Variants in NEURL1 observed in about 807,000 individuals in gnomAD.
NEURL1 encodes the protein neuralized E3 ubiquitin protein ligase 1.
A neutral mutation model predicts 41.2 loss-of-function variants in NEURL1; 26 were observed. The observed-to-expected ratio is 0.63, with a 90% confidence interval of 0.46 to 0.87. The LOEUF is 0.87. Ranked by LOEUF, NEURL1 falls within the 40% of genes least tolerant of loss-of-function variation. The probability of loss-of-function intolerance (pLI) is 0.00; values close to 1 mark genes in which losing one functional copy is unlikely to be tolerated. For synonymous variants in NEURL1, 400 were observed against 402.3 expected, an observed-to-expected ratio of 0.99 and a Z score of 0.07; for missense variants, 761 against 871.1, an observed-to-expected ratio of 0.87 and a Z score of 1.59.
chr10:103,516,102 C>T (rs745493634), intron 1 of NEURL1, among the ~76,000 whole-genome samples: 2 of 151,086 alleles, frequency 1.3e-5, no homozygotes, highest in Non-Finnish European at 2.9e-5. Flanking sequence ...GTGGTGTGCG[C>T]CTGTAGTCCC....
rs1250602321 is a variant in NEURL1 at position 103,584,941 on chromosome 10, C to T, written c.1055C>T (p.Ala352Val). 6.7e-7 allele frequency: 1 copy of T among 1,495,714 alleles called. No individual in the cohort carries two copies. The allele number at this position is 1,495,714 out of a possible 1,614,324, so 92.7% of individuals were successfully genotyped here. The change falls in exon 4 of 6, where the codon GCG becomes GTG. Residue 352 changes from alanine to valine, a missense_variant. Physicochemically the swap from Ala to Val is moderately conservative, Grantham distance 64. This residue lies in a region of NEURL1 where 443 missense variants were observed against 408.1 expected (regional missense o/e 1.09). Coordinates refer to ENST00000369780, the MANE Select transcript of NEURL1 (RefSeq NM_004210.5). ...VTRSGGARPGALSFGVTTCDP... is the reference protein window; with the variant it reads ...VTRSGGARPGVLSFGVTTCDP... ...CGCTCGGGTGGCGCGCGGCCCGGCGCGCTGTCGTTCGGCGTCACCACGTGC... is the reference window on the plus strand; with the variant it reads ...CGCTCGGGTGGCGCGCGGCCCGGCGTGCTGTCGTTCGGCGTCACCACGTGC...
chr10:103,514,547 GC>G, intron 1 of NEURL1, among the ~76,000 whole-genome samples: 2 of 152,202 alleles, frequency 1.3e-5, no homozygotes, highest in South Asian at 4.2e-4. Flanking sequence ...GCAGGGTCTG[GC>G]CCCTCAGACC....
Position 103,590,421 on chromosome 10 carries a change from C to CGAGA in NEURL1, c.*49_*50insGAGA. On this transcript the variant is annotated 3_prime_UTR_variant, in exon 6 of 6. Transcript: ENST00000369780. ...ATACCCATCTTCTCGGGCTTCAGCC[C>CGAGA]AGTCCCAGCTGAGGAACAAGCCAGT... 6.6e-7 allele frequency: 1 copy of CGAGA among 1,515,648 alleles called. No individual in the cohort carries two copies. Among genetic ancestry groups the CGAGA allele is most frequent in the Non-Finnish European group, 9.1e-7 (1 of 1,093,858 alleles). 93.9% of individuals were successfully genotyped at this position (1,515,648 alleles called of 1,614,324 possible).
chr10:103,572,571 T>C (rs1407197574), intron 3 of NEURL1, among the ~76,000 whole-genome samples: 1 of 152,174 alleles, frequency 6.6e-6, no homozygotes, highest in East Asian at 1.9e-4. Flanking sequence ...TTCCCTGCAA[T>C]GGCACAAGTA....
chr10:103,526,872 T>A (rs976639778), intron 1 of NEURL1, among the ~76,000 whole-genome samples: 1 of 152,126 alleles, frequency 6.6e-6, no homozygotes, highest in Non-Finnish European at 1.5e-5. Flanking sequence ...CTAATTTGTT[T>A]GTGTATAGTT....
Position 103,584,751 on chromosome 10 carries a change from C to T in NEURL1, c.865C>T (p.Gln289Ter). The change falls in exon 4 of 6, where the codon CAG becomes TAG. Residue 289 changes from glutamine (Q) to a stop codon, truncating the protein, a stop_gained. Transcript: ENST00000369780. LOFTEE classifies it high-confidence loss of function. ...NSQHSRALPA[Q>*]LDGDLRFHAL... The stretch of plus-strand genomic sequence containing the variant: ...GCAGCACAGCCGCGCGCTGCCGGCG[C>T]AGCTCGACGGCGACCTGCGTTTCCA... 6.8e-7 allele frequency: 1 copy of T among 1,460,444 alleles called. No homozygotes were observed. The highest frequency in any genetic ancestry group is 9.0e-7 in the Non-Finnish European group (1 of 1,111,098). 90.5% of individuals were successfully genotyped at this position (1,460,444 alleles called of 1,614,324 possible). A position where few individuals can be genotyped will look rare whatever the true frequency, so the allele number is the denominator to read the frequency against.
intron 1 of NEURL1, among the ~76,000 whole-genome samples, chr10:103,561,586 C>T (rs563580144): frequency 2.6e-5 from 4 of 152,074 alleles, no homozygotes; most frequent in South Asian, 2.1e-4. Flanking sequence ...TCTATTCATT[C>T]GAAGCTACTT....
At chr10:103,553,536 G>A (rs1180793358) in intron 1 of NEURL1, among the ~76,000 whole-genome samples, 5 of 152,088 alleles carry the variant, frequency 3.3e-5, no homozygotes, top group Non-Finnish European at 4.4e-5. Context: ...GGGGAGCATC[G>A]GCCGACTGGG....
chr10:103,584,327 C>T (rs1363512984), intron 3 of NEURL1, among the ~76,000 whole-genome samples: 1 of 152,220 alleles, frequency 6.6e-6, no homozygotes, highest in Non-Finnish European at 1.5e-5. Flanking sequence ...GTTTCAGTTT[C>T]GGTGCTTCCC....
At chr10:103,544,706 C>T (rs911742016) in intron 1 of NEURL1, among the ~76,000 whole-genome samples, 2 of 152,222 alleles carry the variant, frequency 1.3e-5, no homozygotes, top group Non-Finnish European at 2.9e-5. Context: ...GGGAATTGGG[C>T]TTGGCTAAGC....
At chr10:103,578,489 G>A (rs1272567367) in intron 3 of NEURL1, among the ~76,000 whole-genome samples, 1 of 152,188 alleles carries the variant, frequency 6.6e-6, no homozygotes, top group African/African-American at 2.4e-5. Flanking sequence ...TGCAGAGAAG[G>A]CCAGAGAGAG....
intron 1 of NEURL1, among the ~76,000 whole-genome samples, chr10:103,505,321 C>T (rs1019702311): frequency 1.3e-5 from 2 of 150,842 alleles, no homozygotes; most frequent in South Asian, 2.1e-4. Flanking sequence ...TGTCTGGGTT[C>T]AAGCAATTCT....
intron 1 of NEURL1, among the ~76,000 whole-genome samples, chr10:103,568,412 A>G (rs1475713505): frequency 1.3e-5 from 2 of 152,168 alleles, no homozygotes; most frequent in Non-Finnish European, 2.9e-5. Context: ...ATGGGTGGGA[A>G]GAAGAGGAAG....
In NEURL1 at chr10:103,572,818, C is replaced by T. The variant is rs559343206; in HGVS notation, c.649+996C>T. Among the ~76,000 whole-genome samples, 3 of 152,286 alleles carry T rather than the reference C, an allele frequency of 2.0e-5. No homozygotes were observed. In the East Asian group the frequency reaches 5.8e-4, roughly 29 times the overall value. ...CAGAGGCTATGCAAGCCTCAGCTTCCTCAGCTGTGAAATGGGTTGGTGGGA... is the reference window on the plus strand; with the variant it reads ...CAGAGGCTATGCAAGCCTCAGCTTCTTCAGCTGTGAAATGGGTTGGTGGGA... On this transcript the variant is annotated intron_variant, in intron 3 of 5. Transcript: ENST00000369780.
chr10:103,580,512 C>G (rs976342942), intron 3 of NEURL1, among the ~76,000 whole-genome samples: 2 of 152,218 alleles, frequency 1.3e-5, no homozygotes, highest in African/African-American at 2.4e-5. Flanking sequence ...GCCCCAAACA[C>G]TGCCCTGACC....
intron 1 of NEURL1, among the ~76,000 whole-genome samples, chr10:103,568,096 G>A (rs540394342): frequency 6.6e-6 from 1 of 152,192 alleles, no homozygotes; most frequent in Non-Finnish European, 1.5e-5. Flanking sequence ...AGGTGTACGT[G>A]TATGCCCGTG....
At chr10:103,543,769 G>A (rs2034869743) in intron 1 of NEURL1, among the ~76,000 whole-genome samples, 1 of 152,208 alleles carries the variant, frequency 6.6e-6, no homozygotes. Context: ...TTCTGAGCTG[G>A]GGGCTGAAGG....
intron 1 of NEURL1, among the ~76,000 whole-genome samples, chr10:103,512,570 G>A (rs1387524398): frequency 6.6e-6 from 1 of 152,174 alleles, no homozygotes; most frequent in East Asian, 1.9e-4. Context: ...GCTGAAGTGG[G>A]TGGATTGCTT....
At chr10:103,544,871 C>T (rs906724359) in intron 1 of NEURL1, among the ~76,000 whole-genome samples, 2 of 152,212 alleles carry the variant, frequency 1.3e-5, no homozygotes, top group Non-Finnish European at 2.9e-5. Context: ...ACCACCGCCA[C>T]CAGGAGGGAG....
Sources: gnomAD v4.1 joint callset for allele counts (sites outside exome capture counted in the v4.1 genomes callset) on GRCh38, gnomAD v4.1.1 for gene constraint, gnomAD v4.1.1 regional missense constraint, MANE v1.5 for transcripts, NCBI Gene and HGNC (gene_info 2026-07-23, HGNC 2026-07-21) for gene names.